The following NTM variants were observed in gnomAD, a reference collection of about 807,000 sequenced individuals.
The protein encoded by NTM is neurotrimin.
Under a neutral mutation model 42.1 loss-of-function variants are expected in NTM, and 13 were observed. The observed-to-expected ratio is 0.31, with a 90% CI of 0.20 to 0.49. The LOEUF (loss-of-function observed/expected upper bound fraction) is 0.49. Ranked by LOEUF, NTM falls within the 20% of genes least tolerant of loss-of-function variation. The pLI is 0.99. For missense variants in NTM, 373 were observed against 452.8 expected (o/e 0.82, Z 1.60); for synonymous variants, 187 against 179.2 (o/e 1.04, Z -0.35).
intron 2 of NTM, among the ~76,000 whole-genome samples, chr11:132,046,057 T>C (rs1039400586): frequency 2.0e-5 from 3 of 152,194 alleles, no homozygotes; most frequent in Non-Finnish European, 4.4e-5. Context: ...ACTATAACCA[T>C]CCAAACTGTA....
chr11:132,225,195 T>C (rs2085955711), intron 4 of NTM, among the ~76,000 whole-genome samples: 1 of 152,184 alleles, frequency 6.6e-6, no homozygotes, highest in South Asian at 2.1e-4. Context: ...GTGCTGCAGA[T>C]TGCATGGTGA....
intron 1 of NTM, among the ~76,000 whole-genome samples, chr11:131,756,856 G>A (rs1465537451): frequency 6.6e-6 from 1 of 152,166 alleles, no homozygotes; most frequent in Non-Finnish European, 1.5e-5. Context: ...TAAATTCCCA[G>A]CTATTAAAAG....
chr11:132,275,675 G>A (rs1190610126), intron 4 of NTM, among the ~76,000 whole-genome samples: 1 of 89,156 alleles, frequency 1.1e-5, no homozygotes, highest in Admixed American at 9.9e-5. Flanking sequence ...TATTTATGAA[G>A]TACAACTTGA....
intron 1 of NTM, among the ~76,000 whole-genome samples, chr11:131,401,500 T>C (rs1046713431): frequency 6.6e-6 from 1 of 152,050 alleles, no homozygotes; most frequent in South Asian, 2.1e-4. Context: ...TGCAGTAATA[T>C]GTAGCCATAC....
intron 1 of NTM, among the ~76,000 whole-genome samples, chr11:131,784,772 TTAA>T (rs1197601637): frequency 6.6e-6 from 1 of 152,250 alleles, no homozygotes; most frequent in Admixed American, 6.5e-5. Flanking sequence ...AAAATACACC[TTAA>T]TAAAGTTGGT....
intron 1 of NTM, among the ~76,000 whole-genome samples, chr11:131,522,076 G>T (rs939694420): frequency 1.3e-5 from 2 of 152,190 alleles, no homozygotes; most frequent in Admixed American, 1.3e-4. Flanking sequence ...GTGACTCTGG[G>T]TTCCTGGATT....
chr11:132,055,127 GAGGTTGGAT>G (rs1409909273), intron 2 of NTM, among the ~76,000 whole-genome samples: 1 of 152,216 alleles, frequency 6.6e-6, no homozygotes, highest in Non-Finnish European at 1.5e-5. Context: ...GGCTGGCCTT[GAGGTTGGAT>G]CATATGTGGC....
chr11:131,622,321 T>C (rs930517225), intron 1 of NTM, among the ~76,000 whole-genome samples: 2 of 152,234 alleles, frequency 1.3e-5, no homozygotes, highest in African/African-American at 4.8e-5. Flanking sequence ...ATTTACTTCT[T>C]AGTTTGCATA....
chr11:132,245,864 CCA>C (rs1168749946), intron 4 of NTM, among the ~76,000 whole-genome samples: 1 of 152,090 alleles, frequency 6.6e-6, no homozygotes, highest in Non-Finnish European at 1.5e-5. Context: ...TCGGTTGCTC[CCA>C]CAGTGTGCAG....
At chr11:132,039,515 T>C (rs1594011549) in intron 2 of NTM, among the ~76,000 whole-genome samples, 1 of 151,924 alleles carries the variant, frequency 6.6e-6, no homozygotes, top group Non-Finnish European at 1.5e-5. Flanking sequence ...ATTGTGAATC[T>C]GTTTCCTGTC....
intron 1 of NTM, among the ~76,000 whole-genome samples, chr11:131,557,864 A>T (rs2055666739): frequency 6.6e-6 from 1 of 152,214 alleles, no homozygotes; most frequent in Non-Finnish European, 1.5e-5. Flanking sequence ...TAAGCTCCAG[A>T]GTCAATCATA....
intron 1 of NTM, among the ~76,000 whole-genome samples, chr11:131,469,592 G>T (rs1373689921): frequency 6.6e-6 from 1 of 152,112 alleles, no homozygotes; most frequent in African/African-American, 2.4e-5. Flanking sequence ...TACCTCTCTG[G>T]GAGTCAGTTG....
At chr11:132,202,530 A>T (rs2081316868) in intron 3 of NTM, among the ~76,000 whole-genome samples, 2 of 152,158 alleles carry the variant, frequency 1.3e-5, no homozygotes, top group Non-Finnish European at 1.5e-5. Flanking sequence ...ATGATCACTG[A>T]TACACCCCTT....
At chr11:131,862,613 T>C (rs891507332) in intron 1 of NTM, among the ~76,000 whole-genome samples, 2 of 152,194 alleles carry the variant, frequency 1.3e-5, no homozygotes, top group Non-Finnish European at 2.9e-5. Flanking sequence ...AGTCCCTAGT[T>C]TCAAAAACTG....
chr11:132,159,552 A>G (rs1193957494), intron 3 of NTM, among the ~76,000 whole-genome samples: 3 of 152,164 alleles, frequency 2.0e-5, no homozygotes, highest in African/African-American at 7.2e-5. Context: ...ATAAGATAGG[A>G]TAAGACAGGA....
intron 1 of NTM, among the ~76,000 whole-genome samples, chr11:131,709,396 T>C (rs1360363329): frequency 6.6e-6 from 1 of 152,160 alleles, no homozygotes. Flanking sequence ...TGGGAGGCTA[T>C]TTTGCAATAA....
intron 4 of NTM, among the ~76,000 whole-genome samples, chr11:132,240,233 T>C (rs1004967508): frequency 2.0e-5 from 3 of 152,264 alleles, no homozygotes; most frequent in African/African-American, 7.2e-5. Flanking sequence ...TATAAATAAC[T>C]TTTTGTGATA....
At chr11:132,005,443 G>A (rs922254906) in intron 2 of NTM, among the ~76,000 whole-genome samples, 2 of 152,164 alleles carry the variant, frequency 1.3e-5, no homozygotes, top group African/African-American at 4.8e-5. Context: ...TACTTGCATT[G>A]TGGCAGACAG....
At chr11:132,332,519 A>G (rs1352511155) in intron 8 of NTM, 1 of 152,000 alleles carries the variant, frequency 6.6e-6, no homozygotes, top group Non-Finnish European at 1.5e-5. Flanking sequence ...TTTCTAACAC[A>G]ACAAACAGGT....
Sources: allele counts gnomAD v4.1 joint callset (sites outside exome capture counted in the v4.1 genomes callset), GRCh38; gene constraint gnomAD v4.1.1; transcripts MANE v1.5; gene names NCBI Gene and HGNC (gene_info 2026-07-23, HGNC 2026-07-21).